Variants in DUSP13B observed in about 807,000 individuals in gnomAD.
The protein encoded by DUSP13B is dual specificity phosphatase 13B.
the DUSP13B span, among the ~76,000 whole-genome samples, chr10:75,098,758 T>C: frequency 2.6e-5 from 4 of 152,264 alleles, no homozygotes; most frequent in East Asian, 7.7e-4. Context: ...CGAGAGTCCA[T>C]CTCAACAACA....
At chr10:75,099,453 A>T in the DUSP13B span, 2 of 1,231,962 alleles carry the variant, frequency 1.6e-6, no homozygotes, top group African/African-American at 3.1e-5. Context: ...GGGGCCGGGA[A>T]TGGGGGAGTG....
chr10:75,103,264 C>T, the DUSP13B span, among the ~76,000 whole-genome samples: 3 of 152,232 alleles, frequency 2.0e-5, no homozygotes, highest in African/African-American at 7.2e-5. Context: ...CCGGGGCCCT[C>T]AGTTAGGGGC....
At chr10:75,106,101 C>CT in the DUSP13B span, among the ~76,000 whole-genome samples, 2,196 of 122,974 alleles carry the variant, frequency 0.018, 14 homozygotes, top group Non-Finnish European at 0.023. Context: ...TCTTTCTTTT[C>CT]TTTTTTTTTT....
the DUSP13B span, among the ~76,000 whole-genome samples, chr10:75,101,316 T>C: frequency 2.0e-5 from 3 of 152,230 alleles, no homozygotes; most frequent in Admixed American, 2.0e-4. Context: ...GTCTGTCTTA[T>C]GGTAGATGCC....
chr10:75,099,905 G>A, the DUSP13B span, among the ~76,000 whole-genome samples: 1 of 152,164 alleles, frequency 6.6e-6, no homozygotes, highest in Non-Finnish European at 1.5e-5. Context: ...CCGAGAATGA[G>A]AGAGGAGTGT....
chr10:75,100,175 GC>G, the DUSP13B span, among the ~76,000 whole-genome samples: 1 of 152,126 alleles, frequency 6.6e-6, no homozygotes. Flanking sequence ...AGGCAGCCAG[GC>G]TCCACCCCCA....
the DUSP13B span, chr10:75,094,868 C>A: frequency 9.3e-6 from 15 of 1,614,046 alleles, no homozygotes; most frequent in African/African-American, 1.3e-5. Flanking sequence ...CACAGTGTAC[C>A]AGCACGCGGC....
the DUSP13B span, chr10:75,097,641 C>G: frequency 2.8e-6 from 4 of 1,421,064 alleles, no homozygotes; most frequent in Non-Finnish European, 3.7e-6. Flanking sequence ...CTGAGAGAGG[C>G]TCATGCCCCC....
the DUSP13B span, chr10:75,094,686 C>G: frequency 1.9e-6 from 3 of 1,613,900 alleles, no homozygotes; most frequent in South Asian, 1.1e-5. Context: ...TCAGAACCGC[C>G]CCGTCTCCCG....
At chr10:75,108,387 G>C in the DUSP13B span, 1 of 1,206,202 alleles carries the variant, frequency 8.3e-7, no homozygotes, top group Non-Finnish European at 1.1e-6. Context: ...CGCACTTTCT[G>C]GTGGCTGAGC....
At chr10:75,108,560 G>A in the DUSP13B span, among the ~76,000 whole-genome samples, 6 of 152,062 alleles carry the variant, frequency 3.9e-5, no homozygotes, top group African/African-American at 1.4e-4. Flanking sequence ...TCCTCTACTG[G>A]CTACCACCTC....
chr10:75,107,126 A>G, the DUSP13B span, among the ~76,000 whole-genome samples: 1 of 152,324 alleles, frequency 6.6e-6, no homozygotes, highest in African/African-American at 2.4e-5. Flanking sequence ...ACTTGAGGTT[A>G]GGAGTTCGAG....
chr10:75,107,609 C>T, the DUSP13B span, among the ~76,000 whole-genome samples: 141 of 152,032 alleles, frequency 9.3e-4, no homozygotes, highest in Non-Finnish European at 1.7e-3. Flanking sequence ...TGGAGTTTCG[C>T]CCTTTTGCCC....
At chr10:75,109,144 G>C in the DUSP13B span, 1 of 1,599,226 alleles carries the variant, frequency 6.3e-7, no homozygotes, top group Admixed American at 1.7e-5. Context: ...CTCTGGGAGA[G>C]AGGTCTCAGC....
chr10:75,099,469 A>G, the DUSP13B span: 2 of 1,232,450 alleles, frequency 1.6e-6, no homozygotes, highest in Non-Finnish European at 2.0e-6. Flanking sequence ...GAGTGGGTGC[A>G]GGGGCAGGAC....
the DUSP13B span, chr10:75,094,444 G>T: frequency 1.8e-6 from 1 of 546,998 alleles, no homozygotes; most frequent in South Asian, 2.2e-5. Flanking sequence ...TCTTTATGAC[G>T]ATGAATATTT....
chr10:75,096,159 TCAGGAGAATCACTTAAACC>T, the DUSP13B span, among the ~76,000 whole-genome samples: 1 of 149,786 alleles, frequency 6.7e-6, no homozygotes. Flanking sequence ...GAAGACTGAG[TCAGGAGAATCACTTAAACC>T]CAGGAGGCGG....
the DUSP13B span, chr10:75,097,736 C>T: frequency 6.2e-7 from 1 of 1,609,848 alleles, no homozygotes; most frequent in Non-Finnish European, 8.5e-7. Flanking sequence ...GAGGCTGGGC[C>T]AGACCTCATC....
the DUSP13B span, among the ~76,000 whole-genome samples, chr10:75,103,270 G>A: frequency 1.8e-4 from 27 of 152,370 alleles, no homozygotes; most frequent in African/African-American, 5.8e-4. Flanking sequence ...CCCTCAGTTA[G>A]GGGCCAAGGC....
Sources: allele counts gnomAD v4.1 joint callset (sites outside exome capture counted in the v4.1 genomes callset), GRCh38; gene constraint gnomAD v4.1.1; transcripts MANE v1.5; gene names NCBI Gene and HGNC (gene_info 2026-07-23, HGNC 2026-07-21).